The following CREM variants were observed in gnomAD, a reference collection of about 807,000 sequenced individuals.
CREM encodes cAMP-responsive element modulator.
In CREM, 13 loss-of-function variants were observed where a neutral mutation model predicts 37.3. That is an observed-to-expected ratio of 0.35 (90% CI 0.23 to 0.55). CREM has a LOEUF of 0.55. Among genes scored for constraint, CREM ranks in the 20% least tolerant of loss-of-function variants. The probability of loss-of-function intolerance (pLI) is 0.88; values close to 1 mark genes in which losing one functional copy is unlikely to be tolerated. For missense variants in CREM, 296 were observed against 362.3 expected, an observed-to-expected ratio of 0.82 and a Z score of 1.49; for synonymous variants, 124 against 120.2, an observed-to-expected ratio of 1.03 and a Z score of -0.21.
At chr10:35,209,361 T>G in intron 7 of CREM, 5 of 985,428 alleles carry the variant, frequency 5.1e-6, no homozygotes, top group Non-Finnish European at 6.0e-6. Flanking sequence ...GTGCTGAGGA[T>G]ACACCCAGAC....
intron 3 of CREM, chr10:35,175,883 G>C (rs1226076013): frequency 3.8e-6 from 6 of 1,561,572 alleles, no homozygotes; most frequent in Non-Finnish European, 5.2e-6. Flanking sequence ...CACCAGAAGA[G>C]GCTCCCCAGC....
chr10:35,155,774 C>T (rs1229532918), intron 3 of CREM, among the ~76,000 whole-genome samples: 1 of 151,750 alleles, frequency 6.6e-6, no homozygotes, highest in Non-Finnish European at 1.5e-5. Flanking sequence ...ACTACAGGCG[C>T]GTGCCACCAC....
chr10:35,153,831 G>A (rs1317933923), intron 3 of CREM, among the ~76,000 whole-genome samples: 1 of 152,170 alleles, frequency 6.6e-6, no homozygotes, highest in Non-Finnish European at 1.5e-5. Flanking sequence ...AAACTGCCTC[G>A]AGAGAATTAG....
chr10:35,176,610 C>T (rs1163468422), intron 3 of CREM, among the ~76,000 whole-genome samples: 2 of 151,756 alleles, frequency 1.3e-5, no homozygotes, highest in Admixed American at 6.6e-5. Flanking sequence ...GGGGTTTCAC[C>T]GTGTTAGCCA....
chr10:35,171,575 T>G (rs1035233549), intron 3 of CREM, among the ~76,000 whole-genome samples: 2 of 152,324 alleles, frequency 1.3e-5, no homozygotes, highest in African/African-American at 4.8e-5. Flanking sequence ...GAATCTTTGT[T>G]GAATTGTTTT....
At chr10:35,157,629 C>T (rs2092997931) in intron 3 of CREM, among the ~76,000 whole-genome samples, 1 of 134,556 alleles carries the variant, frequency 7.4e-6, no homozygotes, top group South Asian at 2.4e-4. Flanking sequence ...GAGCCAGACC[C>T]TGTCTCAAAA....
intron 2 of CREM, 118 bp downstream of exon 2, chr10:35,137,997 T>C: frequency 1.7e-6 from 1 of 594,290 alleles, no homozygotes; most frequent in Non-Finnish European, 2.6e-6. Flanking sequence ...TATTCTATTA[T>C]AATATATACT....
intron 5 of CREM, among the ~76,000 whole-genome samples, chr10:35,187,735 G>C (rs1164124521): frequency 1.3e-5 from 2 of 151,774 alleles, no homozygotes; most frequent in Non-Finnish European, 2.9e-5. Context: ...GAACTCCTGG[G>C]CTCAAGTGAT....
intron 6 of CREM, chr10:35,196,363 C>T (rs996628852): frequency 4.0e-6 from 2 of 494,386 alleles, no homozygotes; most frequent in African/African-American, 3.9e-5. Flanking sequence ...TTTTGGAAGA[C>T]TTAGTTACTA....
At chr10:35,200,108 G>A (rs1053432457) in intron 6 of CREM, among the ~76,000 whole-genome samples, 1 of 151,694 alleles carries the variant, frequency 6.6e-6, no homozygotes, top group African/African-American at 2.4e-5. Flanking sequence ...GGCTGGTCTC[G>A]AACTCCTGAC....
chr10:35,145,638 G>A (rs2091989527), intron 2 of CREM, among the ~76,000 whole-genome samples: 1 of 151,958 alleles, frequency 6.6e-6, no homozygotes, highest in African/African-American at 2.4e-5. Context: ...AAATAGCTGG[G>A]CATGGGGGCA....
At position 35,155,753 on chromosome 10, in the gene CREM, C is replaced by T. The variant is rs572654428; in HGVS notation, c.168+7262C>T. Among the ~76,000 whole-genome samples the T allele has an allele frequency of 2.3e-3, 346 of 151,412 alleles. 1 individual carries two copies. Among genetic ancestry groups the T allele is most frequent in the Non-Finnish European group, 2.8e-3 (188 of 67,806 alleles). Reference sequence around the variant, plus strand: ...AAGTGATTCTCTTGCCTCAGGTTCCCGAGAGCTGGGACTACAGGCGCGTGC... The same window carrying T: ...AAGTGATTCTCTTGCCTCAGGTTCCTGAGAGCTGGGACTACAGGCGCGTGC... On this transcript the variant is annotated intron_variant, in intron 3 of 7. Transcript: ENST00000685392.
chr10:35,195,300 G>T lies in CREM; in HGVS notation c.598+6912G>T, dbSNP rs1215732300. ...TATTCAGGAACATCTGAGTGTTTCAGAAAGTGTTACTCTCCTAGTCACTTA... is the reference window on the plus strand; with the variant it reads ...TATTCAGGAACATCTGAGTGTTTCATAAAGTGTTACTCTCCTAGTCACTTA... On this transcript the variant is annotated intron_variant, in intron 6 of 7. Transcript: ENST00000685392. 7.9e-6 allele frequency: 12 copies of T among 1,515,940 alleles called. No individual in the cohort carries two copies. The Middle Eastern group carries it at 6.8e-4, about 86-fold the overall frequency. The allele number at this position is 1,515,940 out of a possible 1,614,324, so 93.9% of individuals were successfully genotyped here.
chr10:35,212,121 T>G lies in CREM; in HGVS notation c.*723T>G, dbSNP rs2095671909. 1.5e-5 allele frequency: 3 copies of G among 194,638 alleles called. No homozygotes were observed. Among genetic ancestry groups the G allele is most frequent in the East Asian group, 1.2e-4 (1 of 8,278 alleles). The allele number at this position is 194,638 out of a possible 1,614,324, so 12.1% of individuals were successfully genotyped here. ...ATGCAATAAAATTATTTGCAGGTCTTTAAATCATTTTAGGAAAGGATGATC... is the reference window on the plus strand; with the variant it reads ...ATGCAATAAAATTATTTGCAGGTCTGTAAATCATTTTAGGAAAGGATGATC... On this transcript the variant is annotated 3_prime_UTR_variant, in exon 8 of 8. Coordinates refer to ENST00000685392, the MANE Select transcript of CREM (RefSeq NM_183011.2).
At chr10:35,128,926 A>G (rs2088727820) in intron 1 of CREM, among the ~76,000 whole-genome samples, 1 of 152,218 alleles carries the variant, frequency 6.6e-6, no homozygotes, top group African/African-American at 2.4e-5. Context: ...TCCCAAAGGA[A>G]GGCAAATTGC....
intron 5 of CREM, among the ~76,000 whole-genome samples, chr10:35,185,926 T>G (rs1366296064): frequency 6.6e-6 from 1 of 152,208 alleles, no homozygotes; most frequent in East Asian, 1.9e-4. Context: ...AAGTGAAAAT[T>G]TGTTGTTGTT....
chr10:35,168,903 G>T (rs1045284117), intron 3 of CREM, among the ~76,000 whole-genome samples: 1 of 152,150 alleles, frequency 6.6e-6, no homozygotes, highest in African/African-American at 2.4e-5. Flanking sequence ...AGATCAGATG[G>T]TTGTAGATGT....
chr10:35,186,732 TTATA>T (rs1333184832), intron 5 of CREM, among the ~76,000 whole-genome samples: 1 of 134,498 alleles, frequency 7.4e-6, no homozygotes, highest in African/African-American at 2.8e-5. Flanking sequence ...CTATATATAA[TTATA>T]TATAGTTATA....
chr10:35,174,871 T>A (rs1368667555), intron 3 of CREM, among the ~76,000 whole-genome samples: 1 of 152,188 alleles, frequency 6.6e-6, no homozygotes, highest in African/African-American at 2.4e-5. Context: ...AGGAGATGGC[T>A]GTTGTGCTGA....
Sources: gnomAD v4.1 joint callset for allele counts (sites outside exome capture counted in the v4.1 genomes callset) on GRCh38, gnomAD v4.1.1 for gene constraint, MANE v1.5 for transcripts, NCBI Gene and HGNC (gene_info 2026-07-23, HGNC 2026-07-21) for gene names.